The following COPA variants were observed in gnomAD, a reference collection of about 807,000 sequenced individuals.
COPA encodes coatomer subunit alpha.
COPA carries 10 observed loss-of-function variants against 158.7 expected under a neutral mutation model. That is an observed-to-expected ratio of 0.06 (90% CI 0.04 to 0.11). The LOEUF is 0.11. Among genes scored for constraint, COPA ranks in the 10% least tolerant of loss-of-function variants. The pLI, the probability that COPA is intolerant of heterozygous loss-of-function variation, is 1.00. For synonymous variants in COPA, 462 were observed against 542.8 expected, an observed-to-expected ratio of 0.85 and a Z score of 2.07; for missense variants, 1,065 against 1,536.7, an observed-to-expected ratio of 0.69 and a Z score of 5.13.
In COPA at chr1:160,290,586, C is replaced by T. The variant is rs772329332; in HGVS notation, c.3521G>A (p.Arg1174Gln). The change falls in exon 32 of 33, where the codon CGG becomes CAG. Residue 1174 changes from arginine (R) to glutamine (Q), a missense_variant. Coordinates refer to ENST00000241704, the MANE Select transcript of COPA (RefSeq NM_004371.4). ...NPFDICAASY[R>Q]PIYRGKPVEK... is the part of the protein sequence containing the mutation. Reference sequence around the variant, plus strand: ...TACTGGCTTTCCACGGTAGATGGGCCGATATGATGCAGCACAAATGTCAAA... The same window carrying T: ...TACTGGCTTTCCACGGTAGATGGGCTGATATGATGCAGCACAAATGTCAAA... 57 of 1,613,968 alleles carry T rather than the reference C, an allele frequency of 3.5e-5. No individual in the cohort carries two copies. The highest frequency in any genetic ancestry group is 4.6e-5 in the Non-Finnish European group (54 of 1,180,024).
chr1:160,319,704 A>G (rs1659268661), intron 8 of COPA, among the ~76,000 whole-genome samples: 1 of 152,048 alleles, frequency 6.6e-6, no homozygotes, highest in African/African-American at 2.4e-5. Flanking sequence ...CAATAGAACT[A>G]GAAATCAATA....
At chr1:160,322,620 G>A (rs1031789685) in intron 8 of COPA, among the ~76,000 whole-genome samples, 37 of 151,932 alleles carry the variant, frequency 2.4e-4, no homozygotes, top group African/African-American at 8.0e-4. Context: ...AAAGACATGC[G>A]AATCAAATCC....
intron 8 of COPA, among the ~76,000 whole-genome samples, chr1:160,314,706 G>A (rs1192876228): frequency 1.3e-5 from 2 of 152,058 alleles, no homozygotes; most frequent in African/African-American, 4.8e-5. Context: ...AACTGTCCTA[G>A]TTGGCCTTTC....
intron 1 of COPA, among the ~76,000 whole-genome samples, chr1:160,340,598 G>A (rs556196968): frequency 2.6e-5 from 4 of 152,218 alleles, no homozygotes; most frequent in South Asian, 2.1e-4. Context: ...CTTCATTCTA[G>A]GCTTAATCTG....
chr1:160,327,804 G>T lies in COPA; in HGVS notation c.497-2152C>A, dbSNP rs1380040862. Among the ~76,000 whole-genome samples, 7 of 152,278 alleles carry T rather than the reference G, an allele frequency of 4.6e-5. 1 individual carries two copies. The highest frequency in any genetic ancestry group is 1.7e-4 in the African/African-American group (7 of 41,562). ...ACCCGGGAGACGGAGGCTGCGATGA[G>T]CTGAGATCCCGCCACTGCACTCCAG... On this transcript the variant is annotated intron_variant, in intron 6 of 32. Transcript: ENST00000241704.
intron 17 of COPA, 51 bp downstream of exon 17, chr1:160,305,382 G>A: frequency 1.3e-6 from 2 of 1,569,500 alleles, no homozygotes; most frequent in Non-Finnish European, 1.7e-6. Flanking sequence ...ACAAGACAGT[G>A]ATTTCAGGAA....
chr1:160,318,488 A>AAC (rs1659227426), intron 8 of COPA, among the ~76,000 whole-genome samples: 1 of 66,242 alleles, frequency 1.5e-5, no homozygotes, highest in Non-Finnish European at 2.5e-5. Context: ...AAAAAAAAAA[A>AAC]AAACAAAAAA....
chr1:160,323,618 T>A (rs1386984168), intron 7 of COPA, 88 bp from the exon 8 acceptor site: 3 of 1,013,082 alleles, frequency 3.0e-6, no homozygotes, highest in Non-Finnish European at 4.2e-6. Context: ...GTAAAAAATG[T>A]CTCTGATTTA....
intron 8 of COPA, among the ~76,000 whole-genome samples, chr1:160,318,431 TTGTC>T (rs1405872264): frequency 2.2e-5 from 3 of 139,068 alleles, no homozygotes; most frequent in African/African-American, 5.6e-5. Context: ...TAAATGGACA[TTGTC>T]TGTACCAGCT....
At chr1:160,337,709 A>T (rs1426437215) in intron 3 of COPA, among the ~76,000 whole-genome samples, 1 of 149,682 alleles carries the variant, frequency 6.7e-6, no homozygotes, top group Non-Finnish European at 1.5e-5. Flanking sequence ...ACAGAACAAG[A>T]CTCCATCGCA....
intron 6 of COPA, among the ~76,000 whole-genome samples, chr1:160,330,820 G>A (rs1647478280): frequency 6.6e-6 from 1 of 152,108 alleles, no homozygotes; most frequent in Non-Finnish European, 1.5e-5. Flanking sequence ...ATGTTTTGTA[G>A]TCCAGTCACT....
intron 11 of COPA, among the ~76,000 whole-genome samples, chr1:160,311,437 CA>C (rs1403835570): frequency 0.017 from 2,322 of 133,154 alleles, 62 homozygotes; most frequent in African/African-American, 0.06. Flanking sequence ...GACTCCATCT[CA>C]AAAAAAAAAA....
chr1:160,317,683 A>C, intron 8 of COPA: 1 of 1,487,100 alleles, frequency 6.7e-7, no homozygotes, highest in East Asian at 2.3e-5. Context: ...TCAGGAACAA[A>C]TGGGGGGTCA....
Position 160,290,177 on chromosome 1 carries a change from T to C in COPA, c.3655A>G (p.Ser1219Gly), listed in dbSNP as rs1658178065. 2 of 1,614,202 alleles carry C rather than the reference T, an allele frequency of 1.2e-6. No individual in the cohort carries two copies. The highest frequency in any genetic ancestry group is 1.7e-6 in the Non-Finnish European group (2 of 1,180,040). ...IGKDVIGLRI[S>G]PLQFR ...GGGCCTTAGCGAAACTGCAGAGGAC[T>C]GATCCTTAAACCAATCACATCTTTG... The change falls in exon 33 of 33, where the codon AGT becomes GGT. Residue 1219 changes from serine (S) to glycine (G), a missense_variant. Physicochemically the swap from Ser to Gly is moderately conservative, Grantham distance 56 (BLOSUM62 0). Around this residue, in one of 2 missense-constraint regions of COPA, gnomAD observed 980 missense variants for 1,357.8 expected, o/e 0.72. Coordinates refer to ENST00000241704, the MANE Select transcript of COPA (RefSeq NM_004371.4).
At chr1:160,303,231 G>A (rs774644637) in intron 17 of COPA, among the ~76,000 whole-genome samples, 14 of 151,974 alleles carry the variant, frequency 9.2e-5, no homozygotes, top group South Asian at 2.1e-4. Flanking sequence ...CAAAACTTAC[G>A]TGAGAAGGCA....
chr1:160,332,292 A>T (rs1196661024), intron 6 of COPA, among the ~76,000 whole-genome samples, 156 bp downstream of exon 6: 1 of 152,260 alleles, frequency 6.6e-6, no homozygotes, highest in Non-Finnish European at 1.5e-5. Flanking sequence ...ATGAAGAACC[A>T]TCAAAGCAAA....
At position 160,325,453 on chromosome 1, in the gene COPA, AT is replaced by A. The variant is rs1180968721; in HGVS notation, c.606+89del. On this transcript the variant is annotated intron_variant, in intron 7 of 32. Coordinates refer to ENST00000241704, the MANE Select transcript of COPA (RefSeq NM_004371.4). The stretch of plus-strand genomic sequence containing the variant: ...GGCACTTAATAAGCACTCTGTAAAT[AT>A]TTGTTGAAGGAATGAATAAATGAAC... 1.5e-5 allele frequency: 16 copies of A among 1,101,172 alleles called. No individual in the cohort carries two copies. The East Asian group carries it at 3.5e-4, about 24-fold the overall frequency. 68.2% of individuals were successfully genotyped at this position (1,101,172 alleles called of 1,614,324 possible).
intron 22 of COPA, 91 bp from the exon 23 acceptor site, chr1:160,295,950 C>A: frequency 6.3e-7 from 1 of 1,579,090 alleles, no homozygotes; most frequent in Non-Finnish European, 8.6e-7. Context: ...TCATTTGTTT[C>A]TCTGCCTCTC....
intron 6 of COPA, among the ~76,000 whole-genome samples, chr1:160,328,376 G>A (rs887917643): frequency 6.6e-6 from 1 of 152,182 alleles, no homozygotes; most frequent in African/African-American, 2.4e-5. Context: ...AAAAGGGGAA[G>A]GGCAAAAACA....
Sources: allele counts gnomAD v4.1 joint callset (sites outside exome capture counted in the v4.1 genomes callset), GRCh38; gene constraint gnomAD v4.1.1; regional missense constraint gnomAD v4.1.1; transcripts MANE v1.5; gene names NCBI Gene and HGNC (gene_info 2026-07-23, HGNC 2026-07-21).